Variants in IGFBP5 observed in about 807,000 individuals in gnomAD.
IGFBP5 encodes insulin like growth factor binding protein 5.
In IGFBP5, 12 loss-of-function variants were observed where a neutral mutation model predicts 28.0. The ratio of observed to expected loss-of-function variants is 0.43; its 90% CI spans 0.27 to 0.69. The LOEUF is 0.69. Ranked by LOEUF, IGFBP5 falls within the 30% of genes least tolerant of loss-of-function variation. The pLI, the probability that IGFBP5 is intolerant of heterozygous loss-of-function variation, is 0.20. For synonymous variants in IGFBP5, 152 were observed against 150.2 expected (o/e 1.01, Z -0.09); for missense variants, 344 against 381.6 (o/e 0.90, Z 0.82).
chr2:216,694,633 A>C lies in IGFBP5; in HGVS notation c.143T>G (p.Val48Gly). The change falls in exon 1 of 4, where the codon GTC becomes GGC. Residue 48 changes from valine (V) to glycine (G), a missense_variant. Coordinates refer to ENST00000233813, the MANE Select transcript of IGFBP5 (RefSeq NM_000599.4). The surrounding 1 kb of genome is among the most constrained non-coding windows in gnomAD (Gnocchi z 5.2). ...CPPSPLGCEL[V>G]KEPGCGCCMT... ...GCAGCAGCCGCAGCCCGGCTCCTTG[A>C]CCAGCTCGCAGCCCAGGGGGCTGGG... 6.5e-7 allele frequency: 1 copy of C among 1,534,474 alleles called. No homozygotes were observed. Among genetic ancestry groups the C allele is most frequent in the Non-Finnish European group, 8.7e-7 (1 of 1,142,862 alleles).
In IGFBP5 at chr2:216,694,627, T is replaced by C; in HGVS notation, c.149A>G (p.Glu50Gly). 3 of 1,537,004 alleles carry C rather than the reference T, an allele frequency of 2.0e-6. No homozygotes were observed. Among genetic ancestry groups the C allele is most frequent in the Non-Finnish European group, 2.6e-6 (3 of 1,143,832 alleles). Reference protein sequence around the residue: ...PSPLGCELVKEPGCGCCMTCA... With the variant: ...PSPLGCELVKGPGCGCCMTCA... ...GGTCATGCAGCAGCCGCAGCCCGGC[T>C]CCTTGACCAGCTCGCAGCCCAGGGG... The change falls in exon 1 of 4, where the codon GAG becomes GGG. Residue 50 changes from glutamate (E) to glycine (G), a missense_variant. This residue lies in a region of IGFBP5 where 304 missense variants were observed against 329.2 expected (regional missense o/e 0.92). Transcript: ENST00000233813. The surrounding 1 kb of genome is among the most constrained non-coding windows in gnomAD (Gnocchi z 5.2).
At chr2:216,691,391 A>G (rs1015396350) in intron 1 of IGFBP5, among the ~76,000 whole-genome samples, 35 of 149,470 alleles carry the variant, frequency 2.3e-4, no homozygotes, top group African/African-American at 8.1e-4. Flanking sequence ...CAGCCCATCA[A>G]ACCTCATTCC....
At position 216,672,230 on chromosome 2, in the gene IGFBP5, G is replaced by C. The variant is rs2106213852; in HGVS notation, c.*4521C>G. ...ATCTTCACTTTTTAAGAAAATGTGA[G>C]ATCCTTTGTTGGTTTTTTATTTCCT... On this transcript the variant is annotated 3_prime_UTR_variant, in exon 4 of 4. Coordinates refer to ENST00000233813, the MANE Select transcript of IGFBP5 (RefSeq NM_000599.4). The C allele has an allele frequency of 6.6e-6, 1 of 150,670 alleles. No homozygotes were observed. The highest frequency in any genetic ancestry group is 1.5e-5 in the Non-Finnish European group (1 of 67,818). 9.3% of individuals were successfully genotyped at this position (150,670 alleles called of 1,614,324 possible).
chr2:216,678,485 G>C (rs11575197), intron 2 of IGFBP5, among the ~76,000 whole-genome samples: 4 of 152,212 alleles, frequency 2.6e-5, no homozygotes, highest in African/African-American at 9.6e-5. Context: ...CTCCCCTGCA[G>C]CTTTTCTCTT....
rs1180382055 is a variant in IGFBP5 at position 216,694,589 on chromosome 2, C to G, written c.187G>C (p.Glu63Gln). ...CGCCMTCALA[E>Q]GQSCGVYTER... The stretch of plus-strand genomic sequence containing the variant: ...GTGTAGACGCCGCACGACTGCCCCT[C>G]GGCCAGGGCGCAGGTCATGCAGCAG... Residue 63 changes from glutamate (E) to glutamine (Q), a missense_variant, in exon 1 of 4, where the codon GAG becomes CAG. Transcript: ENST00000233813. This position sits in a 1 kb window ranked among gnomAD's most constrained non-coding sequence, Gnocchi z 5.2. The G allele has an allele frequency of 1.3e-6, 2 of 1,550,398 alleles. No individual in the cohort carries two copies. The highest frequency in any genetic ancestry group is 1.2e-5 in the South Asian group (1 of 84,132).
rs897977097 is a variant in IGFBP5, at chr2:216,692,803, C to T, written c.337+1636G>A. Among the ~76,000 whole-genome samples, 1 of 152,108 alleles carries T rather than the reference C, an allele frequency of 6.6e-6. No individual in the cohort carries two copies. Among genetic ancestry groups the T allele is most frequent in the African/African-American group, 2.4e-5 (1 of 41,422 alleles). ...GACTTTTTGCAGGTTTGGAGATCGA[C>T]TACCTCTTGCAAAGCTAGAGGGGCT... On this transcript the variant is annotated intron_variant, in intron 1 of 3. Coordinates refer to ENST00000233813, the MANE Select transcript of IGFBP5 (RefSeq NM_000599.4). This position sits in a 1 kb window ranked among gnomAD's most constrained non-coding sequence, Gnocchi z 4.2.
Position 216,683,622 on chromosome 2 carries a change from G to A in IGFBP5, c.338-4543C>T, listed in dbSNP as rs190532775. ...AACCTCCAACTGGAAAATGATCCAG[G>A]AAGGAAGAGAGACATATTCCAGACT... On this transcript the variant is annotated intron_variant, in intron 1 of 3. Coordinates refer to ENST00000233813, the MANE Select transcript of IGFBP5 (RefSeq NM_000599.4). 2.8e-3 allele frequency among the ~76,000 whole-genome samples: 430 copies of A among 152,272 alleles called. 1 individual carries two copies. The highest frequency in any genetic ancestry group is 9.6e-3 in the African/African-American group (398 of 41,548).
chr2:216,683,763 C>T (rs144843546), intron 1 of IGFBP5, among the ~76,000 whole-genome samples: 5 of 152,254 alleles, frequency 3.3e-5, no homozygotes, highest in African/African-American at 1.2e-4. Context: ...CCTTCATAAC[C>T]CTATTCAATG....
At chr2:216,680,274 T>C (rs766232509) in intron 1 of IGFBP5, among the ~76,000 whole-genome samples, 2 of 152,066 alleles carry the variant, frequency 1.3e-5, no homozygotes, top group Non-Finnish European at 2.9e-5. Context: ...CTTAAATAAC[T>C]GAAATGAGGT....
intron 1 of IGFBP5, among the ~76,000 whole-genome samples, chr2:216,689,134 T>C: frequency 6.6e-6 from 1 of 152,224 alleles, no homozygotes; most frequent in Non-Finnish European, 1.5e-5. Flanking sequence ...CTCTGCTTTC[T>C]GTTGGCACCA....
rs1689146128 is a variant in IGFBP5 at position 216,694,671 on chromosome 2, G to A, written c.105C>T (p.Leu35=). The change falls in exon 1 of 4, where the codon CTC becomes CTT. Residue 35 remains leucine, a synonymous_variant. Transcript: ENST00000233813. This position sits in a 1 kb window ranked among gnomAD's most constrained non-coding sequence, Gnocchi z 5.2. ...CCAGGGGGCTGGGGGGGCACATGGA[G>A]AGGGCTTTCTCGTCGCAGGGCTCGC... ...VHCEPCDEKA[L]SMCPPSPLGC... The A allele has an allele frequency of 2.0e-6, 3 of 1,526,778 alleles. No homozygotes were observed. The East Asian group carries it at 7.3e-5, about 37-fold the overall frequency. The allele number at this position is 1,526,778 out of a possible 1,614,324, so 94.6% of individuals were successfully genotyped here.
chr2:216,693,087 C>A (rs778362059), intron 1 of IGFBP5, among the ~76,000 whole-genome samples: 2 of 152,088 alleles, frequency 1.3e-5, no homozygotes, highest in Non-Finnish European at 2.9e-5. Flanking sequence ...GTTTTAACCC[C>A]TTTTGGAGAG....
In IGFBP5 at chr2:216,679,169, T is replaced by C. The variant is rs944830696; in HGVS notation, c.338-90A>G. ...GCTGGGCAGTTTGGGGTGAGGGGAG[T>C]AATAAAGGCTGAAGCAGATGTGTCT... is the stretch of plus-strand genomic sequence containing the variant. On this transcript the variant is annotated intron_variant, in intron 1 of 3. Coordinates refer to ENST00000233813, the MANE Select transcript of IGFBP5 (RefSeq NM_000599.4). The surrounding 1 kb of genome is among the most constrained non-coding windows in gnomAD (Gnocchi z 4.6). The C allele has an allele frequency of 2.1e-6, 2 of 943,906 alleles. No individual in the cohort carries two copies. Among genetic ancestry groups the C allele is most frequent in the African/African-American group, 3.3e-5 (2 of 61,412 alleles). The allele number at this position is 943,906 out of a possible 1,614,324, so 58.5% of individuals were successfully genotyped here. A position where few individuals can be genotyped will look rare whatever the true frequency, so the allele number is the denominator to read the frequency against.
In IGFBP5 at chr2:216,679,829, T is replaced by A. The variant is rs1425774147; in HGVS notation, c.338-750A>T. Among the ~76,000 whole-genome samples the A allele has an allele frequency of 6.6e-6, 1 of 152,054 alleles. No individual in the cohort carries two copies. The highest frequency in any genetic ancestry group is 2.4e-5 in the African/African-American group (1 of 41,408). ...CGCGGTGCTCGGGGGCCTGGGAGGCTGGGACGTTACTCAGCTCTGGACTGA... is the reference window on the plus strand; with the variant it reads ...CGCGGTGCTCGGGGGCCTGGGAGGCAGGGACGTTACTCAGCTCTGGACTGA... On this transcript the variant is annotated intron_variant, in intron 1 of 3. Coordinates refer to ENST00000233813, the MANE Select transcript of IGFBP5 (RefSeq NM_000599.4). This position sits in a 1 kb window ranked among gnomAD's most constrained non-coding sequence, Gnocchi z 4.6.
In IGFBP5 at chr2:216,678,895, G is replaced by C; in HGVS notation, c.522C>G (p.His174Gln). ...TCTCAGGTGCAGAGATGATCCGGGG[G>C]TGGGCAGTGTTCTCGGCTCCCCCGA... ...KFVGGAENTA[H>Q]PRIISAPEMR... is the part of the protein sequence containing the mutation. The change falls in exon 2 of 4, where the codon CAC (histidine) becomes CAG (glutamine). Residue 174 changes from histidine to glutamine, a missense_variant. By Grantham distance (24) the His-to-Gln change is conservative. Transcript: ENST00000233813. The C allele has an allele frequency of 1.2e-6, 2 of 1,614,210 alleles. No homozygotes were observed. The highest frequency in any genetic ancestry group is 1.7e-6 in the Non-Finnish European group (2 of 1,180,042).
Position 216,694,539 on chromosome 2 carries a change from G to T in IGFBP5, c.237C>A (p.Arg79=). 6.3e-7 allele frequency: 1 copy of T among 1,575,398 alleles called. No homozygotes were observed. ...VYTERCAQGL[R]CLPRQDEEKP... ...TCTCCTCGTCCTGCCGGGGGAGGCA[G>T]CGCAGCCCCTGGGCGCAGCGCTCGG... Residue 79 remains arginine (R), a synonymous_variant, in exon 1 of 4, where the codon CGC becomes CGA. Transcript: ENST00000233813. This position sits in a 1 kb window ranked among gnomAD's most constrained non-coding sequence, Gnocchi z 5.2.
At chr2:216,680,182 G>T (rs537571261) in intron 1 of IGFBP5, among the ~76,000 whole-genome samples, 1 of 152,222 alleles carries the variant, frequency 6.6e-6, no homozygotes, top group East Asian at 1.9e-4. Flanking sequence ...AGATGCAGGG[G>T]TGAGTGGAGG....
rs1290011978 is a variant in IGFBP5, at chr2:216,678,214, G to A, written c.585C>T (p.His195=). The change falls in exon 3 of 4, where the codon CAC becomes CAT. Residue 195 remains histidine (H), a synonymous_variant. Coordinates refer to ENST00000233813, the MANE Select transcript of IGFBP5 (RefSeq NM_000599.4). ...TGAGCTCCTGCAGGGAAGCCTCCAT[G>A]TGTCTGCGGCAGGGGCCCTGTGTGG... ...QESEQGPCRR[H]MEASLQELKA... The A allele has an allele frequency of 1.0e-5, 16 of 1,586,896 alleles. No individual in the cohort carries two copies. The highest frequency in any genetic ancestry group is 1.4e-5 in the Non-Finnish European group (16 of 1,164,286).
At chr2:216,693,342 T>A (rs1689124258) in intron 1 of IGFBP5, among the ~76,000 whole-genome samples, 1 of 151,612 alleles carries the variant, frequency 6.6e-6, no homozygotes, top group African/African-American at 2.4e-5. Context: ...GTGCGTGGCT[T>A]TTCTGTCTCC....
Sources: allele counts gnomAD v4.1 joint callset (sites outside exome capture counted in the v4.1 genomes callset), GRCh38; gene constraint gnomAD v4.1.1; regional missense constraint gnomAD v4.1.1; non-coding constraint Gnocchi (gnomAD v3.1); transcripts MANE v1.5; gene names NCBI Gene and HGNC (gene_info 2026-07-23, HGNC 2026-07-21).